Variants in TRPM1 observed in about 807,000 individuals in gnomAD.
TRPM1 encodes TRPM1-203 APA Isoform, Intron 10.
In TRPM1, 113 loss-of-function variants were observed where a neutral mutation model predicts 149.4. That is an observed-to-expected ratio of 0.76 (90% CI 0.65 to 0.88). TRPM1 has a LOEUF of 0.88. TRPM1 is among the 40% of genes least tolerant of loss of function. The pLI is 0.00. For missense variants in TRPM1, 1,976 were observed against 2,038.7 expected, an observed-to-expected ratio of 0.97 and a Z score of 0.59; for synonymous variants, 741 against 759.5, an observed-to-expected ratio of 0.98 and a Z score of 0.40.
chr15:31,137,451 G>A (rs1396141505), intron 1 of TRPM1, among the ~76,000 whole-genome samples: 1 of 152,158 alleles, frequency 6.6e-6, no homozygotes, highest in Admixed American at 6.5e-5. Flanking sequence ...AATGACAATG[G>A]CTGTTATATG....
At chr15:31,083,431 T>G (rs1449276181) in intron 1 of TRPM1, among the ~76,000 whole-genome samples, 1 of 152,198 alleles carries the variant, frequency 6.6e-6, no homozygotes, top group African/African-American at 2.4e-5. Context: ...GCTGGTGTCC[T>G]GGCACAGCTG....
At chr15:31,148,084 T>C (rs537319637) in intron 1 of TRPM1, among the ~76,000 whole-genome samples, 1 of 152,220 alleles carries the variant, frequency 6.6e-6, no homozygotes, top group Admixed American at 6.5e-5. Flanking sequence ...GGCACAGAGA[T>C]TGTGCAGTTT....
chr15:31,024,167 G>T (rs543611786), intron 27 of TRPM1, among the ~76,000 whole-genome samples: 21 of 152,262 alleles, frequency 1.4e-4, no homozygotes, highest in African/African-American at 4.8e-4. Flanking sequence ...AGACACGACC[G>T]AGAGAAGAGC....
chr15:31,079,749 A>G (rs773385938), intron 2 of TRPM1, among the ~76,000 whole-genome samples: 2 of 152,220 alleles, frequency 1.3e-5, no homozygotes, highest in Non-Finnish European at 2.9e-5. Context: ...ACACACTCAT[A>G]CATTCCCTGG....
chr15:31,120,033 AT>A (rs2035855479), intron 1 of TRPM1, among the ~76,000 whole-genome samples: 1 of 152,184 alleles, frequency 6.6e-6, no homozygotes, highest in African/African-American at 2.4e-5. Flanking sequence ...AATGGCCTAA[AT>A]ACACCAACTA....
intron 1 of TRPM1, among the ~76,000 whole-genome samples, chr15:31,108,542 G>A (rs950166381): frequency 3.9e-5 from 6 of 152,144 alleles, no homozygotes; most frequent in Admixed American, 3.3e-4. Flanking sequence ...TGCCCAGGCT[G>A]GAGTGCAACG....
intron 1 of TRPM1, among the ~76,000 whole-genome samples, chr15:31,160,124 G>A (rs566112567): frequency 6.6e-6 from 1 of 152,290 alleles, no homozygotes; most frequent in East Asian, 1.9e-4. Flanking sequence ...TGTGGTCTGG[G>A]CTTGCCTCCC....
chr15:31,056,034 CA>C (rs1275372473), intron 11 of TRPM1, among the ~76,000 whole-genome samples: 1 of 152,016 alleles, frequency 6.6e-6, no homozygotes, highest in Non-Finnish European at 1.5e-5. Context: ...TGTTAAGGAA[CA>C]AAAACACTTT....
chr15:31,001,516 C>T lies in TRPM1; in HGVS notation c.*306G>A, dbSNP rs1216873972. On this transcript the variant is annotated 3_prime_UTR_variant, in exon 28 of 28. Coordinates refer to ENST00000256552, the MANE Select transcript of TRPM1 (RefSeq NM_001252024.2). ...TAATGGTGACTTCAGTGCTCGAGGG[C>T]ACTTCCTAGGCTATTTGGTGGCCCT... 4 of 379,558 alleles carry T rather than the reference C, an allele frequency of 1.1e-5. No individual in the cohort carries two copies. The highest frequency in any genetic ancestry group is 2.1e-5 in the African/African-American group (1 of 47,732). The allele number at this position is 379,558 out of a possible 1,614,324, so 23.5% of individuals were successfully genotyped here.
chr15:31,153,723 A>AT (rs1330112204), intron 1 of TRPM1, among the ~76,000 whole-genome samples: 1 of 151,860 alleles, frequency 6.6e-6, no homozygotes, highest in Non-Finnish European at 1.5e-5. Flanking sequence ...GCCCTTCAAG[A>AT]TTTTCTGCTT....
chr15:31,078,323 A>G (rs1291569943), intron 2 of TRPM1, among the ~76,000 whole-genome samples: 1 of 152,148 alleles, frequency 6.6e-6, no homozygotes, highest in African/African-American at 2.4e-5. Flanking sequence ...CAGAGAGGTC[A>G]TGCCGATGCC....
chr15:31,126,485 A>G (rs1187709369), intron 1 of TRPM1, among the ~76,000 whole-genome samples: 1 of 151,534 alleles, frequency 6.6e-6, no homozygotes, highest in African/African-American at 2.4e-5. Flanking sequence ...TCCTTTCACA[A>G]CTCTCCCATC....
At chr15:31,075,102 T>C (rs1465375500) in intron 3 of TRPM1, among the ~76,000 whole-genome samples, 5 of 152,252 alleles carry the variant, frequency 3.3e-5, no homozygotes, top group African/African-American at 1.2e-4. Flanking sequence ...ACATGGTCTA[T>C]GCTGGAGAAT....
intron 1 of TRPM1, among the ~76,000 whole-genome samples, chr15:31,117,846 A>G (rs1406731033): frequency 6.6e-6 from 1 of 152,202 alleles, no homozygotes; most frequent in Non-Finnish European, 1.5e-5. Flanking sequence ...GAGGCTAGAC[A>G]TTACCAAGAA....
At chr15:31,113,767 G>C (rs970884146) in intron 1 of TRPM1, among the ~76,000 whole-genome samples, 3 of 152,198 alleles carry the variant, frequency 2.0e-5, no homozygotes, top group Non-Finnish European at 4.4e-5. Context: ...TTCCCGGTGA[G>C]TGTTACAGCT....
At chr15:31,008,495 T>C (rs1468593970) in intron 27 of TRPM1, among the ~76,000 whole-genome samples, 3 of 152,224 alleles carry the variant, frequency 2.0e-5, no homozygotes, top group Non-Finnish European at 2.9e-5. Flanking sequence ...GTGGATTACA[T>C]TGATTGTTTT....
At chr15:31,092,017 C>G (rs1192010827) in intron 1 of TRPM1, among the ~76,000 whole-genome samples, 1 of 151,818 alleles carries the variant, frequency 6.6e-6, no homozygotes, top group East Asian at 1.9e-4. Flanking sequence ...CCCTTCGGAG[C>G]TCCCAGGTGG....
chr15:31,112,764 G>GC (rs2035708776), intron 1 of TRPM1, among the ~76,000 whole-genome samples: 4 of 152,074 alleles, frequency 2.6e-5, no homozygotes, highest in African/African-American at 9.7e-5. Flanking sequence ...CTAAATTTGG[G>GC]CAACTCTGCT....
At chr15:31,085,871 T>A (rs758283202) in intron 1 of TRPM1, among the ~76,000 whole-genome samples, 7 of 152,198 alleles carry the variant, frequency 4.6e-5, no homozygotes, top group Non-Finnish European at 1.0e-4. Flanking sequence ...TCTCATTTTT[T>A]ACCACTGGCA....
Sources: gnomAD v4.1 joint callset for allele counts (sites outside exome capture counted in the v4.1 genomes callset) on GRCh38, gnomAD v4.1.1 for gene constraint, MANE v1.5 for transcripts, NCBI Gene and HGNC (gene_info 2026-07-23, HGNC 2026-07-21) for gene names.